CEP164: variants seen among roughly 807,000 people sequenced by gnomAD.
CEP164 encodes the protein centrosomal protein 164, also known as centrosomal protein of 164 kDa.
Under a neutral mutation model 182.7 loss-of-function variants are expected in CEP164, and 162 were observed. The ratio of observed to expected loss-of-function variants is 0.89; its 90% CI spans 0.78 to 1.01. The LOEUF (loss-of-function observed/expected upper bound fraction) is 1.01, where lower values mean the gene tolerates loss of function less well. CEP164 is among the 50% of genes least tolerant of loss of function. The probability of loss-of-function intolerance (pLI) is 0.00; values close to 1 mark genes in which losing one functional copy is unlikely to be tolerated. For synonymous variants in CEP164, 661 were observed against 690.0 expected (o/e 0.96, Z 0.66); for missense variants, 1,735 against 1,790.4 (o/e 0.97, Z 0.56).
intron 8 of CEP164, among the ~76,000 whole-genome samples, chr11:117,364,212 C>G (rs1480487671): frequency 1.3e-5 from 2 of 152,192 alleles, no homozygotes; most frequent in East Asian, 3.9e-4. Context: ...TTAGATTTCC[C>G]CAAATATTTA....
intron 28 of CEP164, 145 bp downstream of exon 28, chr11:117,408,177 G>A (rs890483310): frequency 6.9e-6 from 4 of 578,552 alleles, no homozygotes; most frequent in Non-Finnish European, 1.2e-5. Flanking sequence ...ACTGGCTGAT[G>A]AAGGTGGCAG....
chr11:117,347,763 C>T (rs1218054433), intron 4 of CEP164, among the ~76,000 whole-genome samples: 1 of 151,490 alleles, frequency 6.6e-6, no homozygotes. Flanking sequence ...TTTTATTGTG[C>T]TTGAATTGAC....
At chr11:117,356,761 T>G in intron 5 of CEP164, 1 of 811,070 alleles carries the variant, frequency 1.2e-6, no homozygotes, top group Non-Finnish European at 1.6e-6. Context: ...ACTACCCAAA[T>G]GGCCATTTTA....
At chr11:117,375,925 A>C in intron 11 of CEP164, 134 bp downstream of exon 11, 1 of 736,396 alleles carries the variant, frequency 1.4e-6, no homozygotes, top group South Asian at 1.7e-5. Context: ...TCATTAAGGC[A>C]TGGTCCTGAC....
chr11:117,329,274 C>T (rs2035818877), intron 1 of CEP164, among the ~76,000 whole-genome samples: 2 of 152,146 alleles, frequency 1.3e-5, no homozygotes, highest in African/African-American at 4.8e-5. Flanking sequence ...AATCGTCTAT[C>T]TGACCTACAG....
At chr11:117,388,675 CTG>C (rs1330659913) in intron 15 of CEP164, among the ~76,000 whole-genome samples, 3 of 152,176 alleles carry the variant, frequency 2.0e-5, no homozygotes, top group Non-Finnish European at 2.9e-5. Context: ...AGCTCTAACA[CTG>C]TGTTGCTGTG....
chr11:117,394,965 A>G lies in CEP164; in HGVS notation c.2806A>G (p.Lys936Glu). The G allele has an allele frequency of 1.9e-6, 3 of 1,614,186 alleles. No homozygotes were observed. Among genetic ancestry groups the G allele is most frequent in the South Asian group, 1.1e-5 (1 of 91,078 alleles). The change falls in exon 22 of 33, where the codon AAA becomes GAA. Residue 936 changes from lysine to glutamate, a missense_variant. Lys to Glu is a moderately conservative substitution (Grantham distance 56, BLOSUM62 1). Coordinates refer to ENST00000278935, the MANE Select transcript of CEP164 (RefSeq NM_014956.5). This position sits in a 1 kb window ranked among gnomAD's most constrained non-coding sequence, Gnocchi z 4.0. ...AGAGTTGGACCTTGAAACCAGAGCT[A>G]AAGATGTCAAGGCCAGATTGGCTCT... ...DLELDLETRA[K>E]DVKARLALLE...
At chr11:117,348,148 T>C (rs920147462) in intron 4 of CEP164, among the ~76,000 whole-genome samples, 3 of 152,100 alleles carry the variant, frequency 2.0e-5, no homozygotes, top group African/African-American at 7.2e-5. Flanking sequence ...TTTTGTATTT[T>C]TTTTGTAGAG....
At chr11:117,335,905 C>T (rs1238678254) in intron 2 of CEP164, among the ~76,000 whole-genome samples, 1 of 152,198 alleles carries the variant, frequency 6.6e-6, no homozygotes, top group Non-Finnish European at 1.5e-5. Context: ...AAAAAAATCA[C>T]ATTTTACAGA....
At chr11:117,363,298 C>CT in intron 7 of CEP164, 131 bp from the exon 8 acceptor site, 1 of 641,762 alleles carries the variant, frequency 1.6e-6, no homozygotes, top group South Asian at 1.8e-5. Flanking sequence ...TGGTCCTGCT[C>CT]TGAGTCCTCT....
chr11:117,340,729 G>A (rs929066701), intron 3 of CEP164, among the ~76,000 whole-genome samples: 2 of 152,110 alleles, frequency 1.3e-5, no homozygotes, highest in African/African-American at 2.4e-5. Flanking sequence ...TCACTGTGTT[G>A]CCCAGGCTAG....
chr11:117,366,566 A>G (rs1249012101), intron 8 of CEP164, among the ~76,000 whole-genome samples: 1 of 152,180 alleles, frequency 6.6e-6, no homozygotes, highest in East Asian at 1.9e-4. Flanking sequence ...TGCTGGTGAA[A>G]AGCCCATCAG....
chr11:117,373,179 C>T (rs1256017972), intron 9 of CEP164, among the ~76,000 whole-genome samples: 1 of 152,056 alleles, frequency 6.6e-6, no homozygotes, highest in Non-Finnish European at 1.5e-5. Context: ...GATCACTGGC[C>T]AACATGGTGA....
chr11:117,383,066 G>A, intron 14 of CEP164, 124 bp downstream of exon 14: 2 of 1,095,930 alleles, frequency 1.8e-6, no homozygotes, highest in Non-Finnish European at 2.5e-6. Context: ...AGTGTAGGGA[G>A]ATTAAGCATA....
intron 4 of CEP164, among the ~76,000 whole-genome samples, chr11:117,345,918 C>G (rs1423418669): frequency 6.6e-6 from 1 of 152,192 alleles, no homozygotes; most frequent in Non-Finnish European, 1.5e-5. Flanking sequence ...AACTCCTGAC[C>G]TCAGGTTGTC....
chr11:117,351,676 C>T, intron 4 of CEP164, 114 bp from the exon 5 acceptor site: 1 of 919,792 alleles, frequency 1.1e-6, no homozygotes, highest in East Asian at 2.4e-5. Flanking sequence ...CCTTTTCCAC[C>T]CCACTCTCTT....
intron 15 of CEP164, among the ~76,000 whole-genome samples, chr11:117,388,418 C>A (rs1435545402): frequency 6.6e-6 from 1 of 152,270 alleles, no homozygotes; most frequent in East Asian, 1.9e-4. Flanking sequence ...TCTGTGGACA[C>A]TGCCTTCAAG....
At chr11:117,402,189 T>C (rs2046216393) in intron 27 of CEP164, among the ~76,000 whole-genome samples, 1 of 152,084 alleles carries the variant, frequency 6.6e-6, no homozygotes, top group Non-Finnish European at 1.5e-5. Flanking sequence ...TTCTCATTGG[T>C]TTCAAAGAAC....
intron 4 of CEP164, among the ~76,000 whole-genome samples, chr11:117,350,298 G>A (rs933678217): frequency 6.6e-6 from 1 of 152,028 alleles, no homozygotes; most frequent in Non-Finnish European, 1.5e-5. Context: ...GAACTCCTGG[G>A]CTCAAACAAT....
Sources: allele counts gnomAD v4.1 joint callset (sites outside exome capture counted in the v4.1 genomes callset), GRCh38; gene constraint gnomAD v4.1.1; non-coding constraint Gnocchi (gnomAD v3.1); transcripts MANE v1.5; gene names NCBI Gene and HGNC (gene_info 2026-07-23, HGNC 2026-07-21).